Variants in COP1 observed in about 807,000 individuals in gnomAD.
COP1 encodes E3 ubiquitin-protein ligase COP1.
A neutral mutation model predicts 101.3 loss-of-function variants in COP1; 24 were observed. The ratio of observed to expected loss-of-function variants is 0.24; its 90% CI spans 0.17 to 0.33. COP1 has a LOEUF of 0.33. Ranked by LOEUF, COP1 falls within the 10% of genes least tolerant of loss-of-function variation. The pLI is 1.00. For synonymous variants in COP1, 347 were observed against 341.9 expected (o/e 1.01, Z -0.17); for missense variants, 663 against 906.2 (o/e 0.73, Z 3.45).
intron 15 of COP1, among the ~76,000 whole-genome samples, chr1:175,996,836 T>C (rs1430189754): frequency 1.1e-4 from 16 of 151,986 alleles, no homozygotes; most frequent in South Asian, 4.2e-4. Context: ...AGGTAATTTA[T>C]AGATTCAATG....
chr1:175,983,552 A>T, intron 18 of COP1, among the ~76,000 whole-genome samples: 1 of 152,170 alleles, frequency 6.6e-6, no homozygotes, highest in Non-Finnish European at 1.5e-5. Context: ...GGACTAATAC[A>T]GAAAATTGGT....
chr1:176,116,900 A>G (rs1686283530), intron 8 of COP1, among the ~76,000 whole-genome samples: 2 of 152,176 alleles, frequency 1.3e-5, no homozygotes, highest in African/African-American at 4.8e-5. Context: ...AAACATATAA[A>G]CCAAGAAATA....
At chr1:176,133,914 A>G (rs577254904) in intron 8 of COP1, 1 of 426,674 alleles carries the variant, frequency 2.3e-6, no homozygotes, top group Non-Finnish European at 4.7e-6. Flanking sequence ...AAAGATAACA[A>G]TATACACAGA....
chr1:176,119,973 C>A (rs1214851978), intron 8 of COP1, among the ~76,000 whole-genome samples: 1 of 152,080 alleles, frequency 6.6e-6, no homozygotes, highest in African/African-American at 2.4e-5. Context: ...GCAGTCAAGT[C>A]CCAGAGTCCA....
At chr1:176,035,312 A>G (rs1316583056) in intron 14 of COP1, among the ~76,000 whole-genome samples, 1 of 152,114 alleles carries the variant, frequency 6.6e-6, no homozygotes, top group Non-Finnish European at 1.5e-5. Context: ...TGACAGATGA[A>G]GGAATCATGA....
At chr1:176,157,231 C>T (rs1572580612) in intron 5 of COP1, among the ~76,000 whole-genome samples, 1 of 151,968 alleles carries the variant, frequency 6.6e-6, no homozygotes, top group African/African-American at 2.4e-5. Context: ...TTAATATTAA[C>T]CCACACTACA....
chr1:175,982,354 C>G (rs1040760887), intron 18 of COP1: 1 of 456,434 alleles, frequency 2.2e-6, no homozygotes, highest in African/African-American at 2.0e-5. Flanking sequence ...CAGGTTTGAA[C>G]TGTGAGGAAC....
In COP1 at chr1:176,043,695, A is replaced by C; in HGVS notation, c.1530+15T>G. On this transcript the variant is annotated intron_variant, in intron 13 of 19. Coordinates refer to ENST00000367669, the MANE Select transcript of COP1 (RefSeq NM_022457.7). ...TGTATGATTCATATAACATGTAACT[A>C]GTACCCTTATTTACCTGATAGACCT... is the stretch of plus-strand genomic sequence containing the variant. 3 of 1,335,246 alleles carry C rather than the reference A, an allele frequency of 2.2e-6. No homozygotes were observed. The highest frequency in any genetic ancestry group is 3.2e-6 in the Non-Finnish European group (3 of 927,964). The allele number at this position is 1,335,246 out of a possible 1,614,324, so 82.7% of individuals were successfully genotyped here. A position where few individuals can be genotyped will look rare whatever the true frequency, so the allele number is the denominator to read the frequency against.
At position 175,944,970 on chromosome 1, in the gene COP1, T is replaced by C. The variant is rs1161740497; in HGVS notation, c.*183A>G. 4 of 581,210 alleles carry C rather than the reference T, an allele frequency of 6.9e-6. No individual in the cohort carries two copies. Among genetic ancestry groups the C allele is most frequent in the Non-Finnish European group, 1.2e-5 (4 of 330,896 alleles). 36.0% of individuals were successfully genotyped at this position (581,210 alleles called of 1,614,324 possible). A position where few individuals can be genotyped will look rare whatever the true frequency, so the allele number is the denominator to read the frequency against. ...TTGATGGTGGAGAGTTGGCTGGGTATTCCCAATGTCCCAAAGGTCATAAAG... is the reference window on the plus strand; with the variant it reads ...TTGATGGTGGAGAGTTGGCTGGGTACTCCCAATGTCCCAAAGGTCATAAAG... On this transcript the variant is annotated 3_prime_UTR_variant, in exon 20 of 20. Transcript: ENST00000367669.
intron 17 of COP1, among the ~76,000 whole-genome samples, chr1:175,987,321 G>T (rs1657357728): frequency 1.3e-5 from 2 of 152,100 alleles, no homozygotes; most frequent in African/African-American, 4.8e-5. Flanking sequence ...AGTGTTAAAT[G>T]ATACAACAAT....
intron 15 of COP1, among the ~76,000 whole-genome samples, chr1:176,021,123 C>A (rs1666694629): frequency 6.6e-6 from 1 of 152,112 alleles, no homozygotes; most frequent in African/African-American, 2.4e-5. Flanking sequence ...TTGGGATTAC[C>A]AGGTGTGAGC....
At chr1:176,184,587 G>C in intron 2 of COP1, 46 bp downstream of exon 2, 1 of 1,443,042 alleles carries the variant, frequency 6.9e-7, no homozygotes, top group East Asian at 2.3e-5. Context: ...TTACAGATAA[G>C]TTTTAAAATG....
At chr1:176,183,682 G>C (rs1698075263) in intron 2 of COP1, among the ~76,000 whole-genome samples, 1 of 152,138 alleles carries the variant, frequency 6.6e-6, no homozygotes, top group African/African-American at 2.4e-5. Context: ...ATTCATAGCA[G>C]CCAAAAGGTA....
rs373556870 is a variant in COP1, at chr1:175,984,590, C to A, written c.2133+2353G>T. Among the ~76,000 whole-genome samples the A allele has an allele frequency of 2.2e-4, 33 of 152,258 alleles. No individual in the cohort carries two copies. In the East Asian group the frequency reaches 6.4e-3, roughly 30 times the overall value. The stretch of plus-strand genomic sequence containing the variant: ...CACCTATGGGGCTGTGAGAAGAGGG[C>A]CACCATCCGCCAGACCCCAAAATGG... On this transcript the variant is annotated intron_variant, in intron 18 of 19. Transcript: ENST00000367669.
chr1:176,073,066 T>C (rs1187028859), intron 11 of COP1, among the ~76,000 whole-genome samples: 8 of 152,210 alleles, frequency 5.3e-5, no homozygotes, highest in Admixed American at 3.9e-4. Flanking sequence ...CTGTCTATTA[T>C]TGGCATTAGG....
intron 1 of COP1, among the ~76,000 whole-genome samples, chr1:176,188,703 G>T (rs1270044258): frequency 4.2e-4 from 64 of 151,898 alleles, no homozygotes; most frequent in Non-Finnish European, 6.6e-4. Flanking sequence ...CTGTTTTGGG[G>T]AGCCACAAAT....
Position 175,947,640 on chromosome 1 carries a change from G to C in COP1, c.2134-401C>G, listed in dbSNP as rs769120024. Among the ~76,000 whole-genome samples the C allele has an allele frequency of 2.4e-4, 37 of 152,172 alleles. 1 individual carries two copies. The highest frequency in any genetic ancestry group is 6.2e-4 in the South Asian group (3 of 4,834). On this transcript the variant is annotated intron_variant, in intron 18 of 19. Coordinates refer to ENST00000367669, the MANE Select transcript of COP1 (RefSeq NM_022457.7). ...CCACCTCGGCCTCCCAAAGTGCTGG[G>C]ATTACAGGCGTGAGCCACTGTGCCC...
At chr1:176,075,952 A>C (rs1572083397) in intron 11 of COP1, among the ~76,000 whole-genome samples, 1 of 150,212 alleles carries the variant, frequency 6.7e-6, no homozygotes, top group East Asian at 2.0e-4. Flanking sequence ...GCAGTGAGCC[A>C]AGATCATGCC....
At chr1:176,049,508 A>C (rs985982843) in intron 11 of COP1, among the ~76,000 whole-genome samples, 10 of 152,174 alleles carry the variant, frequency 6.6e-5, no homozygotes, top group African/African-American at 2.4e-4. Flanking sequence ...TATTAATCAA[A>C]AAGTATAAAG....
Sources: gnomAD v4.1 joint callset for allele counts (sites outside exome capture counted in the v4.1 genomes callset) on GRCh38, gnomAD v4.1.1 for gene constraint, MANE v1.5 for transcripts, NCBI Gene and HGNC (gene_info 2026-07-23, HGNC 2026-07-21) for gene names.